GDPD5: variants seen among roughly 807,000 people sequenced by gnomAD.
The protein encoded by GDPD5 is glycerophosphodiester phosphodiesterase domain containing 5.
A neutral mutation model predicts 75.1 loss-of-function variants in GDPD5; 48 were observed. That is an observed-to-expected ratio of 0.64 (90% CI 0.51 to 0.81). The LOEUF (loss-of-function observed/expected upper bound fraction) is 0.81. Ranked by LOEUF, GDPD5 falls within the 40% of genes least tolerant of loss-of-function variation. The probability of loss-of-function intolerance (pLI) is 0.00; values close to 1 mark genes in which losing one functional copy is unlikely to be tolerated. For missense variants in GDPD5, 706 were observed against 822.6 expected (o/e 0.86, Z 1.73); for synonymous variants, 336 against 339.0 (o/e 0.99, Z 0.10).
intron 3 of GDPD5, among the ~76,000 whole-genome samples, chr11:75,465,989 T>C (rs750559667): frequency 6.6e-6 from 1 of 152,242 alleles, no homozygotes; most frequent in Non-Finnish European, 1.5e-5. Context: ...CAGGGTCCTA[T>C]GCCCTAAAGG....
chr11:75,451,128 A>G (rs1025427301), intron 6 of GDPD5: 3 of 152,260 alleles, frequency 2.0e-5, no homozygotes, highest in Non-Finnish European at 4.4e-5. Flanking sequence ...GGCGGTGGCC[A>G]GCATCTCCGC....
chr11:75,493,684 G>A (rs112471941), intron 1 of GDPD5, among the ~76,000 whole-genome samples: 2 of 152,248 alleles, frequency 1.3e-5, no homozygotes, highest in African/African-American at 2.4e-5. Flanking sequence ...GTGCAGCAGG[G>A]GGGGGCCTAA....
intron 1 of GDPD5, among the ~76,000 whole-genome samples, chr11:75,494,501 C>G (rs1950175875): frequency 6.6e-6 from 1 of 152,138 alleles, no homozygotes; most frequent in African/African-American, 2.4e-5. Context: ...GTGTAAGCCA[C>G]TGCATGTGGC....
At chr11:75,478,359 T>C (rs1451845743) in intron 2 of GDPD5, among the ~76,000 whole-genome samples, 3 of 152,184 alleles carry the variant, frequency 2.0e-5, no homozygotes, top group African/African-American at 7.2e-5. Context: ...TAGGCCAGGC[T>C]GGTCTCGAAC....
chr11:75,461,158 C>T (rs933227560), intron 4 of GDPD5, among the ~76,000 whole-genome samples: 2 of 152,074 alleles, frequency 1.3e-5, no homozygotes, highest in Non-Finnish European at 2.9e-5. Context: ...GCCTCCATTT[C>T]CCCATCTGTA....
chr11:75,514,742 A>C (rs1950601451), intron 1 of GDPD5, among the ~76,000 whole-genome samples: 1 of 152,244 alleles, frequency 6.6e-6, no homozygotes, highest in African/African-American at 2.4e-5. Context: ...AAGAGGAAGA[A>C]GGCTCCAATT....
chr11:75,512,373 A>G (rs1360265937), intron 1 of GDPD5, among the ~76,000 whole-genome samples: 1 of 151,042 alleles, frequency 6.6e-6, no homozygotes, highest in Non-Finnish European at 1.5e-5. Flanking sequence ...GTCTGTGGGC[A>G]GCAGAATAAA....
intron 2 of GDPD5, among the ~76,000 whole-genome samples, chr11:75,486,758 T>C (rs1310694060): frequency 6.6e-6 from 1 of 152,206 alleles, no homozygotes; most frequent in Non-Finnish European, 1.5e-5. Flanking sequence ...CTATCTCTTC[T>C]GGATCCCACA....
rs940838086 is a variant in GDPD5 at position 75,436,842 on chromosome 11, C to T, written c.1669+94G>A. On this transcript the variant is annotated intron_variant, in intron 16 of 16. Transcript: ENST00000336898. ...CCCTTGTCCCTACCCATATGTGCCA[C>T]ATGTGAATGTGTGTGCATACACATC... 5 of 904,032 alleles carry T rather than the reference C, an allele frequency of 5.5e-6. No homozygotes were observed. The African/African-American group carries it at 8.2e-5, about 15-fold the overall frequency. 56.0% of individuals were successfully genotyped at this position (904,032 alleles called of 1,614,324 possible). A position where few individuals can be genotyped will look rare whatever the true frequency, so the allele number is the denominator to read the frequency against.
intron 3 of GDPD5, among the ~76,000 whole-genome samples, chr11:75,469,335 TC>T (rs1311656826): frequency 3.3e-5 from 5 of 152,138 alleles, no homozygotes; most frequent in African/African-American, 1.2e-4. Flanking sequence ...GGGATGGTAA[TC>T]CTAAGAGCCC....
At chr11:75,511,994 T>G (rs908347413) in intron 1 of GDPD5, among the ~76,000 whole-genome samples, 7 of 152,214 alleles carry the variant, frequency 4.6e-5, no homozygotes, top group Admixed American at 4.6e-4. Flanking sequence ...TGTCAAGTCC[T>G]GTGCCAGCAT....
Position 75,441,573 on chromosome 11 carries a change from G to T in GDPD5, c.1325+73C>A, listed in dbSNP as rs574409044. The T allele has an allele frequency of 1.3e-3, 1,748 of 1,345,170 alleles. 8 individuals carry two copies. The Middle Eastern group carries it at 0.013, about 10-fold the overall frequency. The allele number at this position is 1,345,170 out of a possible 1,614,324, so 83.3% of individuals were successfully genotyped here. A position where few individuals can be genotyped will look rare whatever the true frequency, so the allele number is the denominator to read the frequency against. On this transcript the variant is annotated intron_variant, in intron 13 of 16. Coordinates refer to ENST00000336898, the MANE Select transcript of GDPD5 (RefSeq NM_030792.8). ...GTGTGTGTGTGTGTGTGTGTGTTGG[G>T]GGGTGGTGGTGGCAGGACTGGGAGA... is the stretch of plus-strand genomic sequence containing the variant.
At chr11:75,514,485 G>A (rs12789428) in intron 1 of GDPD5, among the ~76,000 whole-genome samples, 8 of 152,238 alleles carry the variant, frequency 5.3e-5, no homozygotes, top group Non-Finnish European at 8.8e-5. Context: ...CTCTCTGCAC[G>A]GGCCCAAAGT....
At chr11:75,501,169 G>A (rs1592144325) in intron 1 of GDPD5, among the ~76,000 whole-genome samples, 1 of 152,226 alleles carries the variant, frequency 6.6e-6, no homozygotes, top group Admixed American at 6.5e-5. Flanking sequence ...CCACATTGGT[G>A]AGGTCTGGAT....
At chr11:75,501,672 T>C (rs1404991034) in intron 1 of GDPD5, among the ~76,000 whole-genome samples, 2 of 152,084 alleles carry the variant, frequency 1.3e-5, no homozygotes, top group African/African-American at 4.8e-5. Flanking sequence ...GAGGCTGTGA[T>C]CAGAGTGGGG....
chr11:75,482,666 C>G (rs978180709), intron 2 of GDPD5, among the ~76,000 whole-genome samples: 1 of 152,196 alleles, frequency 6.6e-6, no homozygotes, highest in Non-Finnish European at 1.5e-5. Flanking sequence ...AGGCAGTGAC[C>G]GGGATCTGAC....
At position 75,525,742 on chromosome 11, in the gene GDPD5, A is replaced by C. The variant is rs71466372; in HGVS notation, c.-677T>G. 0.74 allele frequency: 110,805 copies of C among 150,390 alleles called. 43,168 individuals carry two copies. The highest frequency in any genetic ancestry group is 0.86 in the Middle Eastern group (251 of 292). The allele number at this position is 150,390 out of a possible 1,614,324, so 9.3% of individuals were successfully genotyped here. A position where few individuals can be genotyped will look rare whatever the true frequency, so the allele number is the denominator to read the frequency against. The stretch of plus-strand genomic sequence containing the variant: ...CGCGGCGGCCGGAGCCCCGCGGGGA[A>C]GTCTTTCCAGGTCCCGACTCGGCTC... On this transcript the variant is annotated 5_prime_UTR_variant, in exon 1 of 17. Transcript: ENST00000336898.
chr11:75,445,672 C>A (rs1948968334), intron 9 of GDPD5, among the ~76,000 whole-genome samples: 1 of 152,176 alleles, frequency 6.6e-6, no homozygotes, highest in Admixed American at 6.5e-5. Context: ...TGAAGACAAT[C>A]CTGTTCCCAC....
At chr11:75,445,835 TA>T in intron 9 of GDPD5, among the ~76,000 whole-genome samples, 1 of 152,330 alleles carries the variant, frequency 6.6e-6, no homozygotes, top group Middle Eastern at 3.4e-3. Context: ...TCAGTTTCTT[TA>T]GCTGTAAAAT....
Sources: allele counts gnomAD v4.1 joint callset (sites outside exome capture counted in the v4.1 genomes callset), GRCh38; gene constraint gnomAD v4.1.1; transcripts MANE v1.5; gene names NCBI Gene and HGNC (gene_info 2026-07-23, HGNC 2026-07-21).